Variants in TP53I13 observed in about 807,000 individuals in gnomAD.
TP53I13 encodes the protein tumor protein p53-inducible protein 13.
Under a neutral mutation model 39.1 loss-of-function variants are expected in TP53I13, and 27 were observed. The ratio of observed to expected loss-of-function variants is 0.69; its 90% CI spans 0.51 to 0.95. TP53I13 has a LOEUF of 0.95. Among genes scored for constraint, TP53I13 ranks in the 40% least tolerant of loss-of-function variants. The pLI is 0.00. For synonymous variants in TP53I13, 230 were observed against 224.6 expected, an observed-to-expected ratio of 1.02 and a Z score of -0.22; for missense variants, 544 against 520.4, an observed-to-expected ratio of 1.05 and a Z score of -0.44.
At position 29,572,278 on chromosome 17, in the gene TP53I13, G is replaced by A. The variant is rs755272159; in HGVS notation, c.650G>A (p.Arg217His). ...GCTGCCCTTGGTCCCCAGCCCACTCGCTCAGCCCTGAGGTTTCCCTCTGCT... is the reference window on the plus strand; with the variant it reads ...GCTGCCCTTGGTCCCCAGCCCACTCACTCAGCCCTGAGGTTTCCCTCTGCT... Reference protein sequence around the residue: ...LRAALGPQPTRSALRFPSASP... With the variant: ...LRAALGPQPTHSALRFPSASP... The change falls in exon 6 of 7, where the codon CGC becomes CAC. Residue 217 changes from arginine (R) to histidine (H), a missense_variant. Arg to His is a conservative substitution (Grantham distance 29, BLOSUM62 0). Transcript: ENST00000301057. 1.3e-5 allele frequency: 21 copies of A among 1,612,788 alleles called. No homozygotes were observed. The East Asian group carries it at 2.9e-4, about 22-fold the overall frequency.
downstream of TP53I13, chr17:29,575,316 G>A: frequency 6.2e-7 from 1 of 1,612,948 alleles, no homozygotes; most frequent in Non-Finnish European, 8.5e-7. This position sits in a 1 kb window ranked among gnomAD's most constrained non-coding sequence, Gnocchi z 5.5. Context: ...TGGGCTGCCC[G>A]CAACAGTTCC....
At chr17:29,579,913 C>T in the TP53I13 span, among the ~76,000 whole-genome samples, 1 of 152,172 alleles carries the variant, frequency 6.6e-6, no homozygotes, top group African/African-American at 2.4e-5. Context: ...ACTCTCCGCT[C>T]TCGGGATGGT....
downstream of TP53I13, chr17:29,574,973 G>A: frequency 6.7e-7 from 1 of 1,493,230 alleles, no homozygotes; most frequent in Admixed American, 1.9e-5. Context: ...TGAGATCAGG[G>A]CCCAGTTTGT....
chr17:29,577,061 T>G, downstream of TP53I13: 1 of 1,606,142 alleles, frequency 6.2e-7, no homozygotes, highest in Non-Finnish European at 8.5e-7. Flanking sequence ...AGGTCACCAC[T>G]GGCAGGGAGA....
At chr17:29,569,283 A>G (rs1391772029) in intron 2 of TP53I13, 35 bp from the exon 3 acceptor site, 1 of 1,610,812 alleles carries the variant, frequency 6.2e-7, no homozygotes, top group East Asian at 2.2e-5. Context: ...GGAGTCCCCC[A>G]ACTGCCCTAA....
At chr17:29,566,617 G>A, upstream of TP53I13, 1 of 1,608,464 alleles carries the variant, frequency 6.2e-7, no homozygotes, top group Non-Finnish European at 8.5e-7. Flanking sequence ...AGGCCCAGGC[G>A]CTACGGGCAG....
At position 29,569,047 on chromosome 17, in the gene TP53I13, A is replaced by G. The variant is rs1598549519; in HGVS notation, c.102A>G (p.Gly34=). Reference sequence around the variant, plus strand: ...TGGCTGGACCGGCGGAGGAGGCGGGAGCCCATTGTCCCGAGAGCCTGTGGC... The same window carrying G: ...TGGCTGGACCGGCGGAGGAGGCGGGGGCCCATTGTCCCGAGAGCCTGTGGC... ...EVMAGPAEEA[G]AHCPESLWPL... The change falls in exon 2 of 7, where the codon GGA becomes GGG. Residue 34 remains glycine, a synonymous_variant. Transcript: ENST00000301057. The G allele has an allele frequency of 6.2e-7, 1 of 1,606,758 alleles. No individual in the cohort carries two copies. Among genetic ancestry groups the G allele is most frequent in the Non-Finnish European group, 8.5e-7 (1 of 1,177,604 alleles).
intron 3 of TP53I13, chr17:29,570,405 G>A (rs953146177): frequency 7.3e-5 from 11 of 151,602 alleles, no homozygotes; most frequent in African/African-American, 1.2e-4. Flanking sequence ...CTACTTGGGA[G>A]GCTGAGGCAG....
At chr17:29,572,734 G>T (rs778020042) in intron 6 of TP53I13, 37 bp downstream of exon 6, 2 of 814,010 alleles carry the variant, frequency 2.5e-6, no homozygotes, top group Non-Finnish European at 3.4e-6. Flanking sequence ...CGAGGCCCCC[G>T]CCCCACCTCG....
chr17:29,572,502 C>A lies in TP53I13; in HGVS notation c.874C>A (p.Arg292Ser), dbSNP rs756512585. 6.2e-7 allele frequency: 1 copy of A among 1,604,384 alleles called. No individual in the cohort carries two copies. The change falls in exon 6 of 7, where the codon CGC becomes AGC. Residue 292 changes from arginine (R) to serine (S), a missense_variant. By Grantham distance (110) the Arg-to-Ser change is moderately radical. Coordinates refer to ENST00000301057, the MANE Select transcript of TP53I13 (RefSeq NM_138349.4). ...TTCAAGTCAGGCTTCCCCGGCCCCT[C>A]GCGCAGCAGCGCCTCCACGGGCAGC... ...VCSSQASPAP[R>S]AAAPPRAARG...
At chr17:29,569,518 A>C (rs903738634) in intron 3 of TP53I13, 159 bp downstream of exon 3, 2 of 663,094 alleles carry the variant, frequency 3.0e-6, no homozygotes, top group East Asian at 2.7e-5. Context: ...CAAGCCCAGG[A>C]CAGATCAGCC....
downstream of TP53I13, chr17:29,575,168 G>T (rs1214422874): frequency 6.3e-7 from 1 of 1,581,894 alleles, no homozygotes; most frequent in Non-Finnish European, 8.6e-7. The surrounding 1 kb of genome is among the most constrained non-coding windows in gnomAD (Gnocchi z 5.5). Context: ...AGGCTATAAA[G>T]CAGGGGGCTC....
At chr17:29,575,044 C>A, downstream of TP53I13, 1 of 1,534,774 alleles carries the variant, frequency 6.5e-7, no homozygotes, top group Non-Finnish European at 8.9e-7. The surrounding 1 kb of genome is among the most constrained non-coding windows in gnomAD (Gnocchi z 5.5). Context: ...AGCTCGAGGC[C>A]CTCCCACTCC....
chr17:29,579,318 T>C, the TP53I13 span: 2 of 400,486 alleles, frequency 5.0e-6, no homozygotes, highest in Non-Finnish European at 9.1e-6. Context: ...TCCCTCCTTC[T>C]AGTTTTGTCC....
At chr17:29,576,680 G>A, downstream of TP53I13, 3 of 1,613,808 alleles carry the variant, frequency 1.9e-6, no homozygotes, top group Non-Finnish European at 2.5e-6. Context: ...ATGCTCTGCA[G>A]AGAGAGACCT....
downstream of TP53I13, chr17:29,577,619 C>T: frequency 6.8e-7 from 1 of 1,465,812 alleles, no homozygotes; most frequent in Non-Finnish European, 9.6e-7. Flanking sequence ...GTAGACCACC[C>T]CAGGCCCCCA....
At chr17:29,577,500 C>A, downstream of TP53I13, 1 of 707,766 alleles carries the variant, frequency 1.4e-6, no homozygotes, top group South Asian at 1.6e-5. Flanking sequence ...GCCTCCTGAC[C>A]TTCCCAAATC....
At chr17:29,573,268 C>T (rs1019561004), downstream of TP53I13, 1 of 246,148 alleles carries the variant, frequency 4.1e-6, no homozygotes, top group Admixed American at 5.7e-5. Context: ...CAACCTGTCC[C>T]TGGACATGGG....
At chr17:29,575,260 C>T, downstream of TP53I13, 2 of 1,589,202 alleles carry the variant, frequency 1.3e-6, no homozygotes, top group East Asian at 2.2e-5. The surrounding 1 kb of genome is among the most constrained non-coding windows in gnomAD (Gnocchi z 5.5). Context: ...GGAACTGCAT[C>T]CCCCTCACCT....
Sources: gnomAD v4.1 joint callset for allele counts (sites outside exome capture counted in the v4.1 genomes callset) on GRCh38, gnomAD v4.1.1 for gene constraint, Gnocchi (gnomAD v3.1) non-coding constraint, MANE v1.5 for transcripts, NCBI Gene and HGNC (gene_info 2026-07-23, HGNC 2026-07-21) for gene names.